TJP1: variants seen among roughly 807,000 people sequenced by gnomAD.
TJP1 encodes the protein tight junction protein 1, also known as tight junction protein ZO-1.
In TJP1, 43 loss-of-function variants were observed where a neutral mutation model predicts 194.2. That is an observed-to-expected ratio of 0.22 (90% CI 0.17 to 0.29). The LOEUF (loss-of-function observed/expected upper bound fraction) is 0.29, where lower values mean the gene tolerates loss of function less well. Among genes scored for constraint, TJP1 ranks in the 10% least tolerant of loss-of-function variants. TJP1 has a pLI of 1.00. For missense variants in TJP1, 1,971 were observed against 2,185.7 expected, an observed-to-expected ratio of 0.90 and a Z score of 1.96; for synonymous variants, 801 against 779.0, an observed-to-expected ratio of 1.03 and a Z score of -0.47.
chr15:29,783,604 TA>T (rs2047511915), intron 2 of TJP1, among the ~76,000 whole-genome samples: 1 of 152,180 alleles, frequency 6.6e-6, no homozygotes, highest in African/African-American at 2.4e-5. Context: ...CTAGATGAAG[TA>T]AATGTAGTAT....
intron 18 of TJP1, among the ~76,000 whole-genome samples, chr15:29,723,365 CTGTT>C (rs979225304): frequency 6.6e-6 from 1 of 152,130 alleles, no homozygotes; most frequent in Non-Finnish European, 1.5e-5. Flanking sequence ...CAAGCTCTGT[CTGTT>C]TAAAAGTGTG....
intron 2 of TJP1, among the ~76,000 whole-genome samples, chr15:29,891,446 T>C (rs1021767599): frequency 2.6e-5 from 4 of 152,256 alleles, no homozygotes; most frequent in South Asian, 2.1e-4. Flanking sequence ...ATTCTTCCCA[T>C]CTTGTAGAGT....
intron 2 of TJP1, among the ~76,000 whole-genome samples, chr15:29,784,125 TAAA>T (rs887666205): frequency 6.6e-6 from 1 of 151,776 alleles, no homozygotes; most frequent in African/African-American, 2.4e-5. Flanking sequence ...AAAATTAGTT[TAAA>T]AAACAAAAAA....
chr15:29,803,708 A>C (rs1014126039), intron 1 of TJP1, among the ~76,000 whole-genome samples: 7 of 152,158 alleles, frequency 4.6e-5, no homozygotes, highest in African/African-American at 1.4e-4. Context: ...TTAAGGTCTT[A>C]ATGTACAGTC....
intron 2 of TJP1, among the ~76,000 whole-genome samples, chr15:29,933,787 A>G (rs1257671993): frequency 1.3e-5 from 2 of 152,216 alleles, no homozygotes; most frequent in East Asian, 1.9e-4. Flanking sequence ...AAACAAAAAC[A>G]CAAATGCCTG....
At chr15:29,936,968 C>T (rs1031620048) in intron 2 of TJP1, among the ~76,000 whole-genome samples, 1 of 152,158 alleles carries the variant, frequency 6.6e-6, no homozygotes, top group Non-Finnish European at 1.5e-5. Context: ...CCCATCATAC[C>T]TATGGGCAAA....
intron 18 of TJP1, among the ~76,000 whole-genome samples, chr15:29,723,438 C>T (rs186626316): frequency 1.3e-5 from 2 of 152,162 alleles, no homozygotes; most frequent in Non-Finnish European, 2.9e-5. Context: ...ATGCTTTTTC[C>T]CCTTCACTGT....
At chr15:29,821,524 G>C (rs1050537296) in intron 1 of TJP1, 4 of 152,238 alleles carry the variant, frequency 2.6e-5, no homozygotes, top group African/African-American at 9.6e-5. Context: ...GCATACCGCA[G>C]GGAGTGACAT....
At chr15:29,783,878 A>G (rs1243815734) in intron 2 of TJP1, among the ~76,000 whole-genome samples, 1 of 152,164 alleles carries the variant, frequency 6.6e-6, no homozygotes, top group Non-Finnish European at 1.5e-5. Flanking sequence ...GTGACAAAAT[A>G]ATCTGTACAA....
At chr15:29,861,064 A>G (rs2052062691) in intron 2 of TJP1, among the ~76,000 whole-genome samples, 1 of 152,202 alleles carries the variant, frequency 6.6e-6, no homozygotes, top group Non-Finnish European at 1.5e-5. Context: ...AACCTGCAAT[A>G]TCTCAGGTAT....
chr15:29,932,107 T>C (rs557378081), intron 2 of TJP1, among the ~76,000 whole-genome samples: 1 of 152,268 alleles, frequency 6.6e-6, no homozygotes, highest in Non-Finnish European at 1.5e-5. Flanking sequence ...CTGTCTCCTG[T>C]CTCATCCTGT....
At chr15:29,944,075 T>C (rs1367485240) in intron 2 of TJP1, among the ~76,000 whole-genome samples, 1 of 122,382 alleles carries the variant, frequency 8.2e-6, no homozygotes, top group Non-Finnish European at 1.9e-5. Context: ...ACTTTAAATT[T>C]ATTTATTTAT....
At chr15:29,712,543 G>A (rs1297935540) in intron 23 of TJP1, among the ~76,000 whole-genome samples, 1 of 152,056 alleles carries the variant, frequency 6.6e-6, no homozygotes, top group Non-Finnish European at 1.5e-5. Flanking sequence ...ACCATAATTT[G>A]GTCTATAAAG....
intron 1 of TJP1, among the ~76,000 whole-genome samples, chr15:29,807,424 AT>A (rs2049181611): frequency 6.6e-6 from 1 of 152,204 alleles, no homozygotes; most frequent in Non-Finnish European, 1.5e-5. Flanking sequence ...AAATAAAACT[AT>A]TTTTAGGTAT....
At chr15:29,736,456 G>C (rs900017872) in intron 11 of TJP1, among the ~76,000 whole-genome samples, 1 of 152,158 alleles carries the variant, frequency 6.6e-6, no homozygotes, top group African/African-American at 2.4e-5. Flanking sequence ...AGAATAGAGA[G>C]GCCACGGCAA....
intron 2 of TJP1, among the ~76,000 whole-genome samples, chr15:29,796,631 G>A (rs753272749): frequency 8.5e-5 from 13 of 152,056 alleles, no homozygotes; most frequent in Admixed American, 2.6e-4. Context: ...TAAAATCCCA[G>A]CAGTTTTATT....
chr15:29,883,046 T>C (rs1292595503), intron 2 of TJP1, among the ~76,000 whole-genome samples: 2 of 152,160 alleles, frequency 1.3e-5, no homozygotes, highest in African/African-American at 4.8e-5. Context: ...GGGAAAAAAA[T>C]GCCTTTACTT....
At chr15:29,821,977 C>G in intron 1 of TJP1, 25 bp downstream of exon 1, 1 of 1,296,184 alleles carries the variant, frequency 7.7e-7, no homozygotes, top group Non-Finnish European at 9.8e-7. Flanking sequence ...CCCGGTCTGG[C>G]CCTGGCGGCC....
chr15:29,704,131 G>A, intron 27 of TJP1, 31 bp downstream of exon 27: 1 of 1,542,882 alleles, frequency 6.5e-7, no homozygotes, highest in Non-Finnish European at 8.8e-7. Flanking sequence ...AGTCCCCAAA[G>A]CTCCCAAAGG....
Sources: allele counts gnomAD v4.1 joint callset (sites outside exome capture counted in the v4.1 genomes callset), GRCh38; gene constraint gnomAD v4.1.1; transcripts MANE v1.5; gene names NCBI Gene and HGNC (gene_info 2026-07-23, HGNC 2026-07-21).